The following C8orf34 variants were observed in gnomAD, a reference collection of about 807,000 sequenced individuals.
The protein encoded by C8orf34 is chromosome 8 open reading frame 34.
C8orf34 carries 65 observed loss-of-function variants against 68.3 expected under a neutral mutation model. That is an observed-to-expected ratio of 0.95 (90% CI 0.78 to 1.17). The LOEUF (loss-of-function observed/expected upper bound fraction) is 1.17, where lower values mean the gene tolerates loss of function less well. Ranked by LOEUF, C8orf34 falls within the 50% of genes most tolerant of loss-of-function variation. C8orf34 has a pLI of 0.00. For synonymous variants in C8orf34, 244 were observed against 241.2 expected (o/e 1.01, Z -0.11); for missense variants, 664 against 655.4 (o/e 1.01, Z -0.14).
At chr8:68,399,881 T>C (rs1450199446) in intron 1 of C8orf34, among the ~76,000 whole-genome samples, 1 of 152,188 alleles carries the variant, frequency 6.6e-6, no homozygotes, top group Non-Finnish European at 1.5e-5. Context: ...GATATCTTAT[T>C]GTAGTTTTAA....
chr8:68,596,889 C>CA (rs2130468884), intron 7 of C8orf34, among the ~76,000 whole-genome samples: 1 of 152,290 alleles, frequency 6.6e-6, no homozygotes, highest in East Asian at 1.9e-4. Context: ...AAGAGACCTA[C>CA]AGAGAACTGT....
At chr8:68,500,015 C>T (rs921452532) in intron 5 of C8orf34, among the ~76,000 whole-genome samples, 2 of 152,160 alleles carry the variant, frequency 1.3e-5, no homozygotes, top group African/African-American at 4.8e-5. Flanking sequence ...TCCTCACTCT[C>T]TTTCTCCCAC....
At chr8:68,693,101 C>T (rs554559711) in intron 8 of C8orf34, among the ~76,000 whole-genome samples, 1 of 152,028 alleles carries the variant, frequency 6.6e-6, no homozygotes, top group Non-Finnish European at 1.5e-5. Flanking sequence ...TCTTAGATTT[C>T]CCCCAAATTT....
intron 10 of C8orf34, among the ~76,000 whole-genome samples, chr8:68,730,373 T>C (rs1328043429): frequency 6.6e-6 from 1 of 152,126 alleles, no homozygotes; most frequent in Non-Finnish European, 1.5e-5. Flanking sequence ...TTATGACTCA[T>C]CAGCTAAGAT....
At chr8:68,783,067 C>CA (rs750669752) in intron 11 of C8orf34, among the ~76,000 whole-genome samples, 28,798 of 128,778 alleles carry the variant, frequency 0.22, 5,597 homozygotes, top group African/African-American at 0.53. Flanking sequence ...GAACATGTCT[C>CA]AAAAAAAAAA....
Position 68,368,957 on chromosome 8 carries a change from T to C in C8orf34, c.327+37618T>C, listed in dbSNP as rs73683502. Among the ~76,000 whole-genome samples the C allele has an allele frequency of 4.1e-3, 620 of 152,316 alleles. 6 individuals are homozygous for C. Among genetic ancestry groups the C allele is most frequent in the African/African-American group, 0.014 (600 of 41,578 alleles). ...TATCCCAGAAATAGTAAGATGTATATGTAACTTAAAATCTGAAGTTGAGCA... is the reference window on the plus strand; with the variant it reads ...TATCCCAGAAATAGTAAGATGTATACGTAACTTAAAATCTGAAGTTGAGCA... On this transcript the variant is annotated intron_variant, in intron 1 of 13. Coordinates refer to ENST00000518698, the MANE Select transcript of C8orf34 (RefSeq NM_052958.4).
At chr8:68,622,495 A>G (rs1272920703) in intron 7 of C8orf34, among the ~76,000 whole-genome samples, 9 of 152,216 alleles carry the variant, frequency 5.9e-5, no homozygotes, top group African/African-American at 2.2e-4. Context: ...AGGGACCAGA[A>G]CATATGTGCT....
At chr8:68,592,982 A>T (rs1817442794) in intron 7 of C8orf34, among the ~76,000 whole-genome samples, 1 of 152,000 alleles carries the variant, frequency 6.6e-6, no homozygotes. Context: ...GCTCCTAGTC[A>T]CAAAGGGAAT....
At chr8:68,414,013 T>C (rs1179433180) in intron 1 of C8orf34, among the ~76,000 whole-genome samples, 3 of 152,128 alleles carry the variant, frequency 2.0e-5, no homozygotes, top group African/African-American at 7.2e-5. Context: ...TGTATCAACC[T>C]CTCCAATACC....
intron 5 of C8orf34, among the ~76,000 whole-genome samples, chr8:68,520,487 G>A (rs1411297509): frequency 6.6e-6 from 1 of 151,992 alleles, no homozygotes; most frequent in Non-Finnish European, 1.5e-5. Context: ...GTCTTGCTCT[G>A]TTGCCCAGGC....
At chr8:68,449,972 G>A (rs558121938) in intron 3 of C8orf34, among the ~76,000 whole-genome samples, 5 of 152,096 alleles carry the variant, frequency 3.3e-5, no homozygotes, top group Admixed American at 6.6e-5. Context: ...TTCAGAATTG[G>A]AGTCAATCCT....
chr8:68,536,599 A>G (rs771653014), intron 7 of C8orf34, among the ~76,000 whole-genome samples: 1 of 152,000 alleles, frequency 6.6e-6, no homozygotes, highest in Non-Finnish European at 1.5e-5. Context: ...TCATTTAAAA[A>G]TATCAGTATT....
chr8:68,744,259 G>A (rs1233272281), intron 10 of C8orf34, among the ~76,000 whole-genome samples: 1 of 151,474 alleles, frequency 6.6e-6, no homozygotes, highest in Non-Finnish European at 1.5e-5. Flanking sequence ...AAGACCAAAA[G>A]TAGATAAAAC....
chr8:68,417,387 TA>T (rs1332222872), intron 1 of C8orf34, among the ~76,000 whole-genome samples: 1 of 152,088 alleles, frequency 6.6e-6, no homozygotes, highest in Non-Finnish European at 1.5e-5. Flanking sequence ...TGATAGACAC[TA>T]ATTTTAGTGT....
intron 7 of C8orf34, among the ~76,000 whole-genome samples, chr8:68,549,739 C>A (rs1375817823): frequency 6.6e-6 from 1 of 151,662 alleles, no homozygotes; most frequent in Non-Finnish European, 1.5e-5. Context: ...TATATTTCCT[C>A]ACAGTTCTGT....
intron 10 of C8orf34, among the ~76,000 whole-genome samples, chr8:68,758,333 C>G (rs750470756): frequency 2.6e-5 from 4 of 152,260 alleles, no homozygotes; most frequent in Admixed American, 6.5e-5. Context: ...TTCTGTGGGT[C>G]AGTAGATTTT....
At chr8:68,460,796 T>C (rs1399654839) in intron 3 of C8orf34, among the ~76,000 whole-genome samples, 1 of 151,888 alleles carries the variant, frequency 6.6e-6, no homozygotes, top group Non-Finnish European at 1.5e-5. Flanking sequence ...CATCTGTACA[T>C]CACCATCATC....
intron 8 of C8orf34, among the ~76,000 whole-genome samples, chr8:68,672,725 T>G (rs546345637): frequency 3.3e-5 from 5 of 152,246 alleles, no homozygotes; most frequent in Admixed American, 2.0e-4. Flanking sequence ...CAAGTCCTTG[T>G]GCTGTGCTGG....
intron 7 of C8orf34, among the ~76,000 whole-genome samples, chr8:68,626,985 G>T (rs916907106): frequency 6.6e-6 from 1 of 152,002 alleles, no homozygotes; most frequent in Non-Finnish European, 1.5e-5. Context: ...AGTGTCCTGG[G>T]AGAATTCGAA....
Sources: allele counts gnomAD v4.1 joint callset (sites outside exome capture counted in the v4.1 genomes callset), GRCh38; gene constraint gnomAD v4.1.1; transcripts MANE v1.5; gene names NCBI Gene and HGNC (gene_info 2026-07-23, HGNC 2026-07-21).